RBFOX1: variants seen among roughly 807,000 people sequenced by gnomAD.
The protein encoded by RBFOX1 is RNA binding protein fox-1 homolog 1.
A neutral mutation model predicts 57.7 loss-of-function variants in RBFOX1; 8 were observed. The ratio of observed to expected loss-of-function variants is 0.14; its 90% CI spans 0.08 to 0.25. The LOEUF (loss-of-function observed/expected upper bound fraction) is 0.25, where lower values mean the gene tolerates loss of function less well. Ranked by LOEUF, RBFOX1 falls within the 10% of genes least tolerant of loss-of-function variation. RBFOX1 has a pLI of 1.00. For synonymous variants in RBFOX1, 326 were observed against 222.4 expected (o/e 1.47, Z -4.15); for missense variants, 611 against 548.5 (o/e 1.11, Z -1.14).
At chr16:7,339,373 A>G (rs2096850721) in intron 4 of RBFOX1, among the ~76,000 whole-genome samples, 1 of 152,212 alleles carries the variant, frequency 6.6e-6, no homozygotes, top group South Asian at 2.1e-4. Flanking sequence ...ACACATGGGA[A>G]AAGCTAGCAT....
At chr16:5,423,288 C>A (rs903638634) in intron 1 of RBFOX1, among the ~76,000 whole-genome samples, 7 of 152,060 alleles carry the variant, frequency 4.6e-5, no homozygotes, top group African/African-American at 1.5e-4. Flanking sequence ...GCCATCTGTT[C>A]ACTAAACCAC....
At position 6,777,586 on chromosome 16, in the gene RBFOX1, GGAAA is replaced by G. The variant is rs537681173; in HGVS notation, c.-16+122943_-16+122946del. Among the ~76,000 whole-genome samples, 3 of 152,214 alleles carry G rather than the reference GGAAA, an allele frequency of 2.0e-5. No homozygotes were observed. In the South Asian group the frequency reaches 6.2e-4, roughly 32 times the overall value. Reference sequence around the variant, plus strand: ...TTTGCAATTCCTGTCAGATTAGGGGGGAAAGAAAGAGAACAGAATGATGGAAATT... The same window carrying G: ...TTTGCAATTCCTGTCAGATTAGGGGGGAAAGAGAACAGAATGATGGAAATT... On this transcript the variant is annotated intron_variant, in intron 3 of 15. Transcript: ENST00000550418.
intron 3 of RBFOX1, among the ~76,000 whole-genome samples, chr16:6,967,517 A>T (rs2084540152): frequency 6.6e-6 from 1 of 151,944 alleles, no homozygotes; most frequent in African/African-American, 2.4e-5. Context: ...AAAAACAGGA[A>T]CCCTTTCATT....
intron 4 of RBFOX1, among the ~76,000 whole-genome samples, chr16:5,944,816 G>T (rs375838712): frequency 4.7e-4 from 28 of 59,566 alleles, no homozygotes; most frequent in African/African-American, 1.4e-3. Context: ...AAAATTAGCT[G>T]GGTGTGGTGT....
chr16:7,168,723 G>T (rs988836214), intron 4 of RBFOX1, among the ~76,000 whole-genome samples: 2 of 151,886 alleles, frequency 1.3e-5, no homozygotes, highest in African/African-American at 4.8e-5. Context: ...TTACTCTTCA[G>T]TCCCTAAAAA....
At chr16:6,755,067 G>A (rs1240031903) in intron 3 of RBFOX1, among the ~76,000 whole-genome samples, 1 of 152,180 alleles carries the variant, frequency 6.6e-6, no homozygotes, top group Non-Finnish European at 1.5e-5. Context: ...GTATTCCATG[G>A]TGTATATGTT....
At chr16:7,439,561 A>T (rs1214176379) in intron 4 of RBFOX1, among the ~76,000 whole-genome samples, 2 of 152,212 alleles carry the variant, frequency 1.3e-5, no homozygotes, top group African/African-American at 4.8e-5. Flanking sequence ...CCTTAAAGAA[A>T]GGCAACGAGG....
chr16:6,382,571 C>G (rs930490732), intron 2 of RBFOX1, among the ~76,000 whole-genome samples: 3 of 152,114 alleles, frequency 2.0e-5, no homozygotes, highest in African/African-American at 7.2e-5. Flanking sequence ...TGTGAAAATG[C>G]TTTTAAGACT....
intron 2 of RBFOX1, among the ~76,000 whole-genome samples, chr16:6,330,510 G>A (rs1237467999): frequency 6.6e-6 from 1 of 152,144 alleles, no homozygotes; most frequent in Non-Finnish European, 1.5e-5. Context: ...TTCCTGTGAT[G>A]CTCTTCCTCA....
rs79867115 is a variant in RBFOX1 at position 6,738,162 on chromosome 16, G to C, written c.-16+83512G>C. On this transcript the variant is annotated intron_variant, in intron 3 of 15. Transcript: ENST00000550418. ...ATGTAACCTCTCATCTTAAATGACT[G>C]TATGATGATCAAAACACATGGAACA... is the stretch of plus-strand genomic sequence containing the variant. Among the ~76,000 whole-genome samples, 398 of 151,714 alleles carry C rather than the reference G, an allele frequency of 2.6e-3. 7 individuals carry two copies. In the East Asian group the frequency reaches 0.038, roughly 14 times the overall value.
Position 6,840,066 on chromosome 16 carries a change from C to G in RBFOX1, c.-16+185416C>G, listed in dbSNP as rs553844202. On this transcript the variant is annotated intron_variant, in intron 3 of 15. Transcript: ENST00000550418. ...AACAAAAATCCGTGAGTTTACTACT[C>G]AACTTAAAAATTAAAATGCTGATCA... is the stretch of plus-strand genomic sequence containing the variant. Among the ~76,000 whole-genome samples the G allele has an allele frequency of 1.1e-4, 16 of 152,192 alleles. No homozygotes were observed. The South Asian group carries it at 2.9e-3, about 28-fold the overall frequency.
intron 3 of RBFOX1, among the ~76,000 whole-genome samples, chr16:6,745,298 T>A (rs2073310117): frequency 6.6e-6 from 1 of 152,068 alleles, no homozygotes; most frequent in Admixed American, 6.6e-5. Context: ...ATCCATTCTA[T>A]GAGGCAACGA....
intron 2 of RBFOX1, among the ~76,000 whole-genome samples, chr16:6,352,742 C>G (rs1346755709): frequency 2.0e-5 from 3 of 152,190 alleles, no homozygotes; most frequent in Admixed American, 6.5e-5. Context: ...ACTTTTCAAT[C>G]CCATCCATTA....
chr16:6,135,388 GTAT>G (rs976259820), intron 1 of RBFOX1, among the ~76,000 whole-genome samples: 1 of 152,134 alleles, frequency 6.6e-6, no homozygotes, highest in East Asian at 1.9e-4. Context: ...TTCAGTGCAG[GTAT>G]TATTATTATT....
chr16:6,942,144 C>T (rs895678214), intron 3 of RBFOX1, among the ~76,000 whole-genome samples: 8 of 152,124 alleles, frequency 5.3e-5, no homozygotes, highest in African/African-American at 1.9e-4. Flanking sequence ...GAGGCTGAGG[C>T]AGGAGAATTG....
At chr16:7,044,661 G>A (rs1182395974) in intron 3 of RBFOX1, among the ~76,000 whole-genome samples, 1 of 151,770 alleles carries the variant, frequency 6.6e-6, no homozygotes, top group Non-Finnish European at 1.5e-5. Flanking sequence ...TTTCATTTAG[G>A]CCATAAAATA....
At chr16:5,297,179 C>T (rs1375811095) in intron 1 of RBFOX1, among the ~76,000 whole-genome samples, 2 of 152,226 alleles carry the variant, frequency 1.3e-5, no homozygotes, top group East Asian at 1.9e-4. Context: ...TAGGTTGATG[C>T]CATGTATTGG....
chr16:6,774,995 T>C (rs971765935), intron 3 of RBFOX1, among the ~76,000 whole-genome samples: 1 of 152,008 alleles, frequency 6.6e-6, no homozygotes, highest in African/African-American at 2.4e-5. Context: ...GTATCTTTAT[T>C]AATAATCTGT....
chr16:6,526,994 A>C (rs370232670), intron 2 of RBFOX1, among the ~76,000 whole-genome samples: 4 of 152,196 alleles, frequency 2.6e-5, no homozygotes, highest in African/African-American at 9.6e-5. Flanking sequence ...GAGAAATTCA[A>C]ATCTGGAAAT....
Sources: allele counts gnomAD v4.1 joint callset (sites outside exome capture counted in the v4.1 genomes callset), GRCh38; gene constraint gnomAD v4.1.1; transcripts MANE v1.5; gene names NCBI Gene and HGNC (gene_info 2026-07-23, HGNC 2026-07-21).